FBXO16: variants seen among roughly 807,000 people sequenced by gnomAD.
The protein encoded by FBXO16 is F-box only protein 16.
Under a neutral mutation model 41.0 loss-of-function variants are expected in FBXO16, and 31 were observed. The ratio of observed to expected loss-of-function variants is 0.76; its 90% CI spans 0.57 to 1.02. The LOEUF (loss-of-function observed/expected upper bound fraction) is 1.02, where lower values mean the gene tolerates loss of function less well. Ranked by LOEUF, FBXO16 falls within the 50% of genes least tolerant of loss-of-function variation. FBXO16 has a pLI of 0.00. For missense variants in FBXO16, 361 were observed against 346.2 expected (o/e 1.04, Z -0.34); for synonymous variants, 133 against 117.8 (o/e 1.13, Z -0.84).
intron 2 of FBXO16, among the ~76,000 whole-genome samples, chr8:28,479,911 T>C (rs1186879587): frequency 6.6e-6 from 1 of 151,738 alleles, no homozygotes; most frequent in African/African-American, 2.4e-5. Flanking sequence ...TTTTTTTTTT[T>C]TTTAAATAAA....
At chr8:28,437,368 A>G (rs575584268) in intron 7 of FBXO16, among the ~76,000 whole-genome samples, 2 of 152,342 alleles carry the variant, frequency 1.3e-5, no homozygotes, top group Non-Finnish European at 2.9e-5. Context: ...TTCCAGGCAA[A>G]GGAGAAATGC....
Position 28,428,650 on chromosome 8 carries a change from G to A in FBXO16, c.*77C>T, listed in dbSNP as rs755015096. On this transcript the variant is annotated 3_prime_UTR_variant, in exon 9 of 9. Transcript: ENST00000380254. ...GCTGCATGAGAATTTCAGCTGTGGT[G>A]GCAGTGTCTGGGAGTCCCACTGACT... The A allele has an allele frequency of 1.9e-6, 3 of 1,558,492 alleles. No homozygotes were observed. The highest frequency in any genetic ancestry group is 2.7e-5 in the African/African-American group (2 of 73,260).
chr8:28,466,511 G>A (rs945149594), intron 3 of FBXO16, among the ~76,000 whole-genome samples: 1 of 151,950 alleles, frequency 6.6e-6, no homozygotes, highest in Non-Finnish European at 1.5e-5. Context: ...GAGACTTCTG[G>A]CCAGGCGCGG....
intron 4 of FBXO16, among the ~76,000 whole-genome samples, chr8:28,460,423 A>ATTTTTT (rs1174276709): frequency 1.5e-4 from 12 of 82,498 alleles, no homozygotes; most frequent in African/African-American, 6.9e-4. Flanking sequence ...TACCTGGCTA[A>ATTTTTT]TTTTTTTTTT....
At chr8:28,476,376 A>G (rs926676536) in intron 2 of FBXO16, among the ~76,000 whole-genome samples, 1 of 152,212 alleles carries the variant, frequency 6.6e-6, no homozygotes, top group Non-Finnish European at 1.5e-5. Flanking sequence ...AGGAGACCTC[A>G]GATCTGGTTC....
Position 28,452,272 on chromosome 8 carries a change from G to A in FBXO16, c.712C>T (p.Arg238Cys), listed in dbSNP as rs760254665. The A allele has an allele frequency of 4.7e-5, 76 of 1,613,996 alleles. No homozygotes were observed. The highest frequency in any genetic ancestry group is 5.8e-5 in the Non-Finnish European group (68 of 1,180,042). Residue 238 changes from arginine (R) to cysteine (C), a missense_variant, in exon 6 of 9, where the codon CGT becomes TGT. By Grantham distance (180) the Arg-to-Cys change is radical. Transcript: ENST00000380254. ...DIIRFNYLDN[R>C]DPMETVQQGR... The stretch of plus-strand genomic sequence containing the variant: ...TGCTGGACAGTCTCCATGGGGTCAC[G>A]GTTGTCTAGGTAATTAAAACGAATG...
chr8:28,466,001 A>C (rs1374170772), intron 3 of FBXO16, among the ~76,000 whole-genome samples: 3 of 152,186 alleles, frequency 2.0e-5, no homozygotes, highest in African/African-American at 4.8e-5. Flanking sequence ...CATGCCTGGG[A>C]GGCCGAGGCC....
chr8:28,433,722 T>C (rs1339325488), intron 7 of FBXO16, among the ~76,000 whole-genome samples: 1 of 152,170 alleles, frequency 6.6e-6, no homozygotes, highest in Non-Finnish European at 1.5e-5. Flanking sequence ...CTCAGGGCAA[T>C]GGCTGAAACA....
chr8:28,454,753 G>GAAAAAAAAAAAAAAAAAAAAA (rs1563363014), intron 5 of FBXO16, among the ~76,000 whole-genome samples: 1 of 58,344 alleles, frequency 1.7e-5, no homozygotes, highest in African/African-American at 9.9e-5. Context: ...AAAAAAAAAG[G>GAAAAAAAAAAAAAAAAAAAAA]ATCATTAATT....
chr8:28,466,631 A>G (rs1803246998), intron 3 of FBXO16, among the ~76,000 whole-genome samples: 1 of 150,142 alleles, frequency 6.7e-6, no homozygotes, highest in Admixed American at 6.7e-5. Context: ...CTCTACTTAA[A>G]AAAAAAAAAA....
In FBXO16 at chr8:28,477,163, C is replaced by T. The variant is rs142035223; in HGVS notation, c.100-3356G>A. ...AGAGAATTCAATCTTCTGCTTAAAA[C>T]CTGCTGTGAAGTTAAAATCCTGTGA... On this transcript the variant is annotated intron_variant, in intron 2 of 8. Coordinates refer to ENST00000380254, the MANE Select transcript of FBXO16 (RefSeq NM_172366.4). Among the ~76,000 whole-genome samples, 707 of 152,060 alleles carry T rather than the reference C, an allele frequency of 4.6e-3. 5 individuals are homozygous for T. Among genetic ancestry groups the T allele is most frequent in the African/African-American group, 0.015 (615 of 41,488 alleles).
intron 4 of FBXO16, 137 bp downstream of exon 4, chr8:28,463,475 C>T: frequency 1.2e-6 from 1 of 800,178 alleles, no homozygotes; most frequent in Non-Finnish European, 2.0e-6. Flanking sequence ...TCTAAGTGTA[C>T]ATTTGTGTGT....
chr8:28,483,418 G>C lies in FBXO16; in HGVS notation c.29C>G (p.Thr10Arg). The change falls in exon 2 of 9, where the codon ACA (threonine) becomes AGA (arginine). Residue 10 changes from threonine (T) to arginine (R), a missense_variant. Thr to Arg is a moderately conservative substitution (Grantham distance 71). Coordinates refer to ENST00000380254, the MANE Select transcript of FBXO16 (RefSeq NM_172366.4). MMAFAPPKNTDGPKMQTKMS... is the reference protein window; with the variant it reads MMAFAPPKNRDGPKMQTKMS... Reference sequence around the variant, plus strand: ...CTTTGTCTGCATTTTGGGACCATCTGTGTTTTTTGGAGGTGCAAATGCCAT... The same window carrying C: ...CTTTGTCTGCATTTTGGGACCATCTCTGTTTTTTGGAGGTGCAAATGCCAT... The C allele has an allele frequency of 6.2e-7, 1 of 1,614,090 alleles. No homozygotes were observed. Among genetic ancestry groups the C allele is most frequent in the Non-Finnish European group, 8.5e-7 (1 of 1,180,002 alleles).
At chr8:28,444,971 G>A (rs1326717565) in intron 7 of FBXO16, among the ~76,000 whole-genome samples, 1 of 151,728 alleles carries the variant, frequency 6.6e-6, no homozygotes, top group Non-Finnish European at 1.5e-5. Context: ...CACTTAGGAG[G>A]CCGATGAGGG....
intron 7 of FBXO16, among the ~76,000 whole-genome samples, chr8:28,445,878 C>T (rs1158692574): frequency 6.6e-6 from 1 of 151,970 alleles, no homozygotes; most frequent in African/African-American, 2.4e-5. Context: ...AGCTGACATC[C>T]ATTTTATATT....
At chr8:28,428,972 C>T (rs926650537) in intron 8 of FBXO16, among the ~76,000 whole-genome samples, 7 of 151,978 alleles carry the variant, frequency 4.6e-5, no homozygotes, top group African/African-American at 1.7e-4. Context: ...TCATCTGAAC[C>T]TCAAGATCAC....
At chr8:28,429,276 C>T in intron 8 of FBXO16, 102 bp downstream of exon 8, 1 of 1,347,196 alleles carries the variant, frequency 7.4e-7, no homozygotes, top group Admixed American at 1.7e-5. Context: ...AGCCACTGTG[C>T]CCAGCCTGTT....
chr8:28,489,391 T>A (rs1404785200), intron 1 of FBXO16, among the ~76,000 whole-genome samples: 1 of 151,796 alleles, frequency 6.6e-6, no homozygotes, highest in Non-Finnish European at 1.5e-5. Flanking sequence ...TGTAGAAATG[T>A]TGACCAAGTG....
rs976692677 is a variant in FBXO16 at position 28,463,660 on chromosome 8, T to A, written c.294A>T (p.Leu98Phe). ...FTTKLPRVLS[L>F]YIFSFLDPRS... is the part of the protein sequence containing the mutation. ...GAGGGTCCAGGAAAGAAAAGATGTATAAAGATAACACCCTTGGAAGCTTGG... is the reference window on the plus strand; with the variant it reads ...GAGGGTCCAGGAAAGAAAAGATGTAAAAAGATAACACCCTTGGAAGCTTGG... The change falls in exon 4 of 9, where the codon TTA (leucine) becomes TTT (phenylalanine). Residue 98 changes from leucine (L) to phenylalanine (F), a missense_variant. Leu to Phe is a conservative substitution (Grantham distance 22). Coordinates refer to ENST00000380254, the MANE Select transcript of FBXO16 (RefSeq NM_172366.4). 2 of 1,614,194 alleles carry A rather than the reference T, an allele frequency of 1.2e-6. No homozygotes were observed. Among genetic ancestry groups the A allele is most frequent in the Non-Finnish European group, 1.7e-6 (2 of 1,180,034 alleles).
Sources: allele counts gnomAD v4.1 joint callset (sites outside exome capture counted in the v4.1 genomes callset), GRCh38; gene constraint gnomAD v4.1.1; transcripts MANE v1.5; gene names NCBI Gene and HGNC (gene_info 2026-07-23, HGNC 2026-07-21).